DNAJC16: variants seen among roughly 807,000 people sequenced by gnomAD.
DNAJC16 encodes dnaJ homolog subfamily C member 16.
In DNAJC16, 76 loss-of-function variants were observed where a neutral mutation model predicts 92.7. The observed-to-expected ratio is 0.82, with a 90% CI of 0.68 to 0.99. The LOEUF is 0.99. Among genes scored for constraint, DNAJC16 ranks in the 50% least tolerant of loss-of-function variants. The probability of loss-of-function intolerance (pLI) is 0.00; values close to 1 mark genes in which losing one functional copy is unlikely to be tolerated. For synonymous variants in DNAJC16, 328 were observed against 358.7 expected (o/e 0.91, Z 0.97); for missense variants, 869 against 942.4 (o/e 0.92, Z 1.02).
At chr1:15,559,722 A>G in intron 8 of DNAJC16, 66 bp downstream of exon 8, 1 of 1,579,068 alleles carries the variant, frequency 6.3e-7, no homozygotes, top group Non-Finnish European at 8.6e-7. Flanking sequence ...ATTTTACTAT[A>G]GGGTGACTAG....
chr1:15,536,234 C>T (rs561453010), intron 3 of DNAJC16, among the ~76,000 whole-genome samples: 16 of 151,890 alleles, frequency 1.1e-4, no homozygotes, highest in African/African-American at 2.2e-4. Context: ...CCACCACTCC[C>T]GGCTGATTTG....
chr1:15,534,222 C>T lies in DNAJC16; in HGVS notation c.168-15C>T. On this transcript the variant is annotated splice_polypyrimidine_tract_variant and intron_variant, in intron 2 of 14. Coordinates refer to ENST00000375847, the MANE Select transcript of DNAJC16 (RefSeq NM_015291.4). ...AGTTACATCCTTTCTCACCGCCTGC[C>T]TGTTTGTGTTTCAGGCATCCTGACA... The T allele has an allele frequency of 6.2e-7, 1 of 1,613,872 alleles. No homozygotes were observed. The highest frequency in any genetic ancestry group is 8.5e-7 in the Non-Finnish European group (1 of 1,179,866).
chr1:15,534,226 T>C lies in DNAJC16; in HGVS notation c.168-11T>C. On this transcript the variant is annotated splice_polypyrimidine_tract_variant and intron_variant, in intron 2 of 14. Transcript: ENST00000375847. ...ACATCCTTTCTCACCGCCTGCCTGT[T>C]TGTGTTTCAGGCATCCTGACAAAAA... The C allele has an allele frequency of 6.2e-7, 1 of 1,613,886 alleles. No homozygotes were observed. Among genetic ancestry groups the C allele is most frequent in the East Asian group, 2.2e-5 (1 of 44,870 alleles).
chr1:15,541,472 C>T (rs942430707), intron 4 of DNAJC16, among the ~76,000 whole-genome samples: 1 of 152,198 alleles, frequency 6.6e-6, no homozygotes, highest in African/African-American at 2.4e-5. Context: ...CTGAACCTCT[C>T]TCTGTATCTG....
At chr1:15,566,211 C>G in intron 13 of DNAJC16, 31 bp downstream of exon 13, 1 of 1,562,804 alleles carries the variant, frequency 6.4e-7, no homozygotes, top group Middle Eastern at 1.7e-4. Context: ...GACTCACCTC[C>G]CCGGCACCTG....
chr1:15,535,758 A>T (rs976668042), intron 3 of DNAJC16, among the ~76,000 whole-genome samples: 3 of 151,756 alleles, frequency 2.0e-5, no homozygotes, highest in Non-Finnish European at 2.9e-5. Context: ...TAATTATGTC[A>T]TAATCTTTTT....
chr1:15,535,329 A>G (rs1489944008), intron 3 of DNAJC16, among the ~76,000 whole-genome samples: 2 of 152,228 alleles, frequency 1.3e-5, no homozygotes, highest in African/African-American at 4.8e-5. Flanking sequence ...ATGTTGTGGT[A>G]GTTTGAAATC....
chr1:15,529,479 T>G (rs1710603067), intron 2 of DNAJC16, among the ~76,000 whole-genome samples: 1 of 152,206 alleles, frequency 6.6e-6, no homozygotes, highest in Non-Finnish European at 1.5e-5. Flanking sequence ...TGAAACTCCC[T>G]TTTAGGAATA....
rs958181593 is a variant in DNAJC16 at position 15,568,620 on chromosome 1, G to A, written c.*443G>A. On this transcript the variant is annotated 3_prime_UTR_variant, in exon 15 of 15. Transcript: ENST00000375847. ...GGCCCTGCTGTGCTGCTGCCATGGC[G>A]CATGCTCCTAACTCTGAACAACCCA... is the stretch of plus-strand genomic sequence containing the variant. The A allele has an allele frequency of 1.2e-5, 5 of 404,676 alleles. No individual in the cohort carries two copies. The highest frequency in any genetic ancestry group is 7.0e-5 in the East Asian group (2 of 28,380). 25.1% of individuals were successfully genotyped at this position (404,676 alleles called of 1,614,324 possible). A position where few individuals can be genotyped will look rare whatever the true frequency, so the allele number is the denominator to read the frequency against.
intron 7 of DNAJC16, among the ~76,000 whole-genome samples, chr1:15,548,825 T>C (rs936224591): frequency 1.3e-5 from 2 of 152,168 alleles, no homozygotes; most frequent in African/African-American, 2.4e-5. Context: ...TCTTGATAAC[T>C]TGACTCTAAA....
rs1710732097 is a variant in DNAJC16, at chr1:15,534,350, T to G, written c.234+47T>G. The G allele has an allele frequency of 3.1e-6, 5 of 1,594,244 alleles. No individual in the cohort carries two copies. In the East Asian group the frequency reaches 8.9e-5, roughly 29 times the overall value. On this transcript the variant is annotated intron_variant, in intron 3 of 14. Transcript: ENST00000375847. Reference sequence around the variant, plus strand: ...TGCATCCATTAGCTCTTACAAAATATGCCTTAGGAGGTGATGAGTTTTGTA... The same window carrying G: ...TGCATCCATTAGCTCTTACAAAATAGGCCTTAGGAGGTGATGAGTTTTGTA...
chr1:15,552,773 T>TA lies in DNAJC16; in HGVS notation c.1023+4345_1023+4346insA, dbSNP rs201576248. On this transcript the variant is annotated intron_variant, in intron 7 of 14. Coordinates refer to ENST00000375847, the MANE Select transcript of DNAJC16 (RefSeq NM_015291.4). ...TGTCTTTTTATTATTATTATTTATT[T>TA]TTTTTTTTTTTGGAGACACAGTCTT... Among the ~76,000 whole-genome samples, 1,402 of 149,258 alleles carry TA rather than the reference T, an allele frequency of 9.4e-3. 25 individuals are homozygous for TA. The highest frequency in any genetic ancestry group is 0.031 in the African/African-American group (1,280 of 41,042).
intron 2 of DNAJC16, among the ~76,000 whole-genome samples, chr1:15,533,456 A>C (rs1710705976): frequency 6.6e-6 from 1 of 152,110 alleles, no homozygotes. Flanking sequence ...GTGAAACCCC[A>C]TCTCTACTAA....
chr1:15,554,033 GTC>G (rs1052544788), intron 7 of DNAJC16, among the ~76,000 whole-genome samples: 12 of 151,974 alleles, frequency 7.9e-5, no homozygotes, highest in African/African-American at 2.9e-4. Flanking sequence ...GCAAAACCTT[GTC>G]TCTACAAAAA....
intron 7 of DNAJC16, 79 bp downstream of exon 7, chr1:15,548,507 C>CA (rs1638365910): frequency 7.1e-7 from 1 of 1,399,182 alleles, no homozygotes; most frequent in South Asian, 1.6e-5. Context: ...CAAAATTGAA[C>CA]AAAGTGGCTG....
intron 6 of DNAJC16, 143 bp downstream of exon 6, chr1:15,547,014 T>C (rs551703266): frequency 2.9e-6 from 2 of 680,438 alleles, no homozygotes; most frequent in African/African-American, 1.8e-5. Flanking sequence ...TGAGAAATGT[T>C]TGAAGACCAG....
intron 2 of DNAJC16, among the ~76,000 whole-genome samples, chr1:15,531,156 G>C (rs1014092375): frequency 2.6e-5 from 4 of 152,130 alleles, no homozygotes; most frequent in African/African-American, 9.7e-5. Flanking sequence ...TGGTTGGCTG[G>C]GGAGGAGCTG....
At chr1:15,549,097 C>CTGTTGAGGG (rs1638381720) in intron 7 of DNAJC16, among the ~76,000 whole-genome samples, 2 of 152,170 alleles carry the variant, frequency 1.3e-5, no homozygotes, top group Non-Finnish European at 2.9e-5. Flanking sequence ...GAAACAAGTA[C>CTGTTGAGGG]TATCTTGCTA....
rs1638829117 is a variant in DNAJC16, at chr1:15,567,101, A to G, written c.1781A>G (p.Lys594Arg). 1.9e-6 allele frequency: 3 copies of G among 1,605,912 alleles called. No individual in the cohort carries two copies. The highest frequency in any genetic ancestry group is 1.1e-5 in the South Asian group (1 of 90,932). ...EPSFTKENSS[K>R]IPKKGFVEVT... The stretch of plus-strand genomic sequence containing the variant: ...AACTCCTCAATATTTCTCCACAGCA[A>G]GATTCCTAAAAAAGGCTTTGTGGAG... Residue 594 changes from lysine (K) to arginine (R), a missense_variant and splice_region_variant, in exon 14 of 15, where the codon AAG becomes AGG. Physicochemically the swap from Lys to Arg is conservative, Grantham distance 26 (BLOSUM62 2). Coordinates refer to ENST00000375847, the MANE Select transcript of DNAJC16 (RefSeq NM_015291.4).
Sources: allele counts gnomAD v4.1 joint callset (sites outside exome capture counted in the v4.1 genomes callset), GRCh38; gene constraint gnomAD v4.1.1; transcripts MANE v1.5; gene names NCBI Gene and HGNC (gene_info 2026-07-23, HGNC 2026-07-21).